Variants in MDGA2 observed in about 807,000 individuals in gnomAD.
MDGA2 encodes MAM domain containing glycosylphosphatidylinositol anchor 2.
A neutral mutation model predicts 117.8 loss-of-function variants in MDGA2; 40 were observed. The ratio of observed to expected loss-of-function variants is 0.34; its 90% confidence interval spans 0.26 to 0.44. MDGA2 has a LOEUF of 0.44. Ranked by LOEUF, MDGA2 falls within the 20% of genes least tolerant of loss-of-function variation. MDGA2 has a pLI of 1.00. For missense variants in MDGA2, 1,123 were observed against 1,250.6 expected (o/e 0.90, Z 1.54); for synonymous variants, 452 against 439.0 (o/e 1.03, Z -0.37).
Position 47,191,444 on chromosome 14 carries a change from T to C in MDGA2, c.595+26577A>G, listed in dbSNP as rs923156376. Reference sequence around the variant, plus strand: ...CATATATATATATATATATGAAAATTCTAGAAATATTATCACCAATTTTTA... The same window carrying C: ...CATATATATATATATATATGAAAATCCTAGAAATATTATCACCAATTTTTA... On this transcript the variant is annotated intron_variant, in intron 3 of 16. Coordinates refer to ENST00000399232, the MANE Select transcript of MDGA2 (RefSeq NM_001113498.3). Among the ~76,000 whole-genome samples, 24 of 148,774 alleles carry C rather than the reference T, an allele frequency of 1.6e-4. 1 individual carries two copies. The highest frequency in any genetic ancestry group is 5.9e-4 in the African/African-American group (24 of 40,442).
At chr14:47,019,447 T>G (rs1888205241) in intron 8 of MDGA2, among the ~76,000 whole-genome samples, 3 of 152,168 alleles carry the variant, frequency 2.0e-5, no homozygotes, top group Admixed American at 2.0e-4. Flanking sequence ...TTGTGGTTTT[T>G]GACATTAAAA....
At chr14:46,842,938 GT>G (rs1319029829) in intron 16 of MDGA2, among the ~76,000 whole-genome samples, 1 of 152,154 alleles carries the variant, frequency 6.6e-6, no homozygotes, top group African/African-American at 2.4e-5. Context: ...TCAAATGCTA[GT>G]CATAAAATGA....
At chr14:47,214,738 A>G (rs2139497291) in intron 3 of MDGA2, among the ~76,000 whole-genome samples, 1 of 152,274 alleles carries the variant, frequency 6.6e-6, no homozygotes, top group South Asian at 2.1e-4. Flanking sequence ...AAATAATGTT[A>G]GCACATAATT....
chr14:47,481,245 T>C (rs1007125221), intron 1 of MDGA2, among the ~76,000 whole-genome samples: 4 of 152,012 alleles, frequency 2.6e-5, no homozygotes, highest in Non-Finnish European at 4.4e-5. Flanking sequence ...ATCAGTACTA[T>C]TTCCAGAGAG....
chr14:46,910,040 T>G (rs1883638783), intron 10 of MDGA2, among the ~76,000 whole-genome samples: 1 of 152,148 alleles, frequency 6.6e-6, no homozygotes, highest in Non-Finnish European at 1.5e-5. Flanking sequence ...TCCATCTCAA[T>G]AAGAGTTAAT....
At chr14:47,482,748 T>C (rs926771163) in intron 1 of MDGA2, among the ~76,000 whole-genome samples, 2 of 151,986 alleles carry the variant, frequency 1.3e-5, no homozygotes, top group Admixed American at 6.6e-5. Context: ...GTAAGTAAGG[T>C]AAGATCAGAG....
chr14:47,078,099 A>T (rs1215252919), intron 6 of MDGA2, among the ~76,000 whole-genome samples: 2 of 152,114 alleles, frequency 1.3e-5, no homozygotes, highest in African/African-American at 2.4e-5. Context: ...GACAGATTTT[A>T]CTGTATTGAA....
At chr14:47,043,652 C>T (rs1489886532) in intron 7 of MDGA2, among the ~76,000 whole-genome samples, 4 of 152,068 alleles carry the variant, frequency 2.6e-5, no homozygotes, top group Non-Finnish European at 1.5e-5. Context: ...TTTACCAGAA[C>T]AGAAGGTCTA....
chr14:47,023,238 A>G (rs1239551728), intron 8 of MDGA2, among the ~76,000 whole-genome samples: 1 of 151,492 alleles, frequency 6.6e-6, no homozygotes, highest in Admixed American at 6.6e-5. Context: ...GAAAGAAAAA[A>G]GTTCATCTGA....
intron 5 of MDGA2, among the ~76,000 whole-genome samples, chr14:47,127,345 T>C (rs1881958008): frequency 6.6e-6 from 1 of 152,092 alleles, no homozygotes; most frequent in South Asian, 2.1e-4. Context: ...ACAGACTCAT[T>C]TGCATGAGGA....
chr14:47,138,557 T>C (rs970356008), intron 4 of MDGA2, among the ~76,000 whole-genome samples: 2 of 152,156 alleles, frequency 1.3e-5, no homozygotes, highest in African/African-American at 4.8e-5. Flanking sequence ...TGACATTATT[T>C]TTTAACAAAA....
At chr14:47,435,413 C>T (rs1892877209) in intron 1 of MDGA2, among the ~76,000 whole-genome samples, 1 of 152,156 alleles carries the variant, frequency 6.6e-6, no homozygotes, top group East Asian at 1.9e-4. Context: ...GGATTGTGCA[C>T]ATTTTCACCT....
At chr14:47,552,290 A>G (rs1175538517) in intron 1 of MDGA2, among the ~76,000 whole-genome samples, 1 of 152,146 alleles carries the variant, frequency 6.6e-6, no homozygotes, top group Non-Finnish European at 1.5e-5. Flanking sequence ...CTTTCTTCTG[A>G]ATTCCAGACC....
rs546695198 is a variant in MDGA2 at position 47,205,863 on chromosome 14, G to C, written c.595+12158C>G. ...CTGATGATATAACCATGCTGTCTCT[G>C]TTTACCACTGTGTTCCCAGCACTGA... On this transcript the variant is annotated intron_variant, in intron 3 of 16. Coordinates refer to ENST00000399232, the MANE Select transcript of MDGA2 (RefSeq NM_001113498.3). 1.4e-4 allele frequency among the ~76,000 whole-genome samples: 22 copies of C among 152,060 alleles called. 1 individual carries two copies. Among genetic ancestry groups the C allele is most frequent in the Non-Finnish European group, 2.9e-4 (20 of 67,920 alleles).
At chr14:46,984,456 T>A (rs1296803498) in intron 8 of MDGA2, among the ~76,000 whole-genome samples, 1 of 152,052 alleles carries the variant, frequency 6.6e-6, no homozygotes, top group Non-Finnish European at 1.5e-5. Context: ...GCACCCATAC[T>A]ATTTCCAATT....
At chr14:47,300,526 G>A (rs1039386704) in intron 2 of MDGA2, among the ~76,000 whole-genome samples, 1 of 150,212 alleles carries the variant, frequency 6.7e-6, no homozygotes, top group Non-Finnish European at 1.5e-5. Context: ...GTCTCTCTCT[G>A]TTGCCCAGAC....
intron 16 of MDGA2, among the ~76,000 whole-genome samples, chr14:46,842,819 C>T (rs1486362346): frequency 6.6e-6 from 1 of 152,192 alleles, no homozygotes; most frequent in Non-Finnish European, 1.5e-5. Context: ...ACCATAGTTC[C>T]ATTTATTGCC....
intron 6 of MDGA2, among the ~76,000 whole-genome samples, chr14:47,070,897 C>T (rs1386706965): frequency 3.3e-5 from 5 of 152,192 alleles, no homozygotes; most frequent in Non-Finnish European, 5.9e-5. Flanking sequence ...TGTGAACCAC[C>T]GCACCCAGCC....
At chr14:47,561,148 T>TTG (rs1555332244) in intron 1 of MDGA2, among the ~76,000 whole-genome samples, 7 of 90,186 alleles carry the variant, frequency 7.8e-5, no homozygotes, top group South Asian at 6.2e-4. Flanking sequence ...TTTGTTTTTT[T>TTG]TTTTGTTTTG....
Sources: allele counts gnomAD v4.1 joint callset (sites outside exome capture counted in the v4.1 genomes callset), GRCh38; gene constraint gnomAD v4.1.1; transcripts MANE v1.5; gene names NCBI Gene and HGNC (gene_info 2026-07-23, HGNC 2026-07-21).